The following SDK1 variants were observed in gnomAD, a reference collection of about 807,000 sequenced individuals.
SDK1 encodes the protein protein sidekick-1.
Under a neutral mutation model 245.5 loss-of-function variants are expected in SDK1, and 157 were observed. The ratio of observed to expected loss-of-function variants is 0.64; its 90% CI spans 0.56 to 0.73. The LOEUF (loss-of-function observed/expected upper bound fraction) is 0.73, where lower values mean the gene tolerates loss of function less well. Among genes scored for constraint, SDK1 ranks in the 30% least tolerant of loss-of-function variants. The pLI is 0.00. For synonymous variants in SDK1, 1,647 were observed against 1,278.5 expected, an observed-to-expected ratio of 1.29 and a Z score of -6.15; for missense variants, 3,583 against 3,002.3, an observed-to-expected ratio of 1.19 and a Z score of -4.52.
At position 3,966,140 on chromosome 7, in the gene SDK1, T is replaced by C. The variant is rs1041357663; in HGVS notation, c.1430-1178T>C. 4.2e-4 allele frequency among the ~76,000 whole-genome samples: 64 copies of C among 151,850 alleles called. 1 individual carries two copies. Among genetic ancestry groups the C allele is most frequent in the African/African-American group, 1.5e-3 (62 of 41,344 alleles). On this transcript the variant is annotated intron_variant, in intron 9 of 44. Transcript: ENST00000404826. ...ACAGGCACAGAAGTGTTGAGACCTG[T>C]TAGGGGGCCTGCGGCATCTGGCAAG...
At chr7:3,825,318 TAAAAAA>T (rs763807672) in intron 5 of SDK1, among the ~76,000 whole-genome samples, 2 of 71,400 alleles carry the variant, frequency 2.8e-5, no homozygotes, top group East Asian at 4.7e-4. Flanking sequence ...TTTCTTCCTC[TAAAAAA>T]AAAAAAAAAA....
At chr7:3,774,336 C>G (rs947362501) in intron 4 of SDK1, among the ~76,000 whole-genome samples, 19 of 152,076 alleles carry the variant, frequency 1.2e-4, no homozygotes, top group African/African-American at 4.6e-4. Flanking sequence ...GCCTCTTTGT[C>G]TGCACCTCTG....
chr7:3,354,689 A>G (rs1465874448), intron 1 of SDK1, among the ~76,000 whole-genome samples: 3 of 152,212 alleles, frequency 2.0e-5, no homozygotes. Context: ...TTGACTTTAT[A>G]GGTCTTGGGT....
Position 3,536,106 on chromosome 7 carries a change from G to A in SDK1, c.299-82974G>A, listed in dbSNP as rs556389286. Among the ~76,000 whole-genome samples, 47 of 151,792 alleles carry A rather than the reference G, an allele frequency of 3.1e-4. No individual in the cohort carries two copies. The Middle Eastern group carries it at 0.014, about 44-fold the overall frequency. On this transcript the variant is annotated intron_variant, in intron 1 of 44. Coordinates refer to ENST00000404826, the MANE Select transcript of SDK1 (RefSeq NM_152744.4). ...GAGTCTCACTCTGTCGCCCAGGCTG[G>A]AGTGCAGTGGTGCGATCTCGGCTCA...
intron 1 of SDK1, among the ~76,000 whole-genome samples, chr7:3,341,923 A>T (rs772988942): frequency 1.1e-4 from 17 of 152,240 alleles, no homozygotes; most frequent in Non-Finnish European, 2.5e-4. Context: ...ATACATAAAA[A>T]GGTTATTGAA....
chr7:3,847,009 C>G (rs958112635), intron 5 of SDK1, among the ~76,000 whole-genome samples: 1 of 152,254 alleles, frequency 6.6e-6, no homozygotes, highest in East Asian at 1.9e-4. Context: ...CCCCAGTGTT[C>G]TCAGGTTTTC....
At chr7:3,801,756 G>A (rs758542172) in intron 4 of SDK1, among the ~76,000 whole-genome samples, 6 of 152,128 alleles carry the variant, frequency 3.9e-5, no homozygotes, top group South Asian at 2.1e-4. Context: ...CTTGGAACAC[G>A]CCCAGCCTGT....
chr7:4,161,821 C>A lies in SDK1; in HGVS notation c.4765C>A (p.Pro1589Thr). 6.2e-7 allele frequency: 1 copy of A among 1,614,182 alleles called. No individual in the cohort carries two copies. Among genetic ancestry groups the A allele is most frequent in the Non-Finnish European group, 8.5e-7 (1 of 1,180,006 alleles). The change falls in exon 32 of 45, where the codon CCA becomes ACA. Residue 1589 changes from proline to threonine, a missense_variant. Pro to Thr is a conservative substitution (Grantham distance 38). Transcript: ENST00000404826. ...GCCCCCGGGATCTGTCTCAGCGACG[C>A]CACACACCACGTCCTCTGTCCTGAT... Reference protein sequence around the residue: ...GEPPGSVSATPHTTSSVLIQW... With the variant: ...GEPPGSVSATTHTTSSVLIQW...
At chr7:4,111,952 T>G (rs10265630) in intron 23 of SDK1, among the ~76,000 whole-genome samples, 32,076 of 152,110 alleles carry the variant, frequency 0.21, 3,522 homozygotes, top group Middle Eastern at 0.31. Flanking sequence ...TCATCTGATT[T>G]GCTGTAAGTC....
intron 22 of SDK1, among the ~76,000 whole-genome samples, chr7:4,107,480 C>T (rs1783013243): frequency 7.9e-6 from 1 of 127,338 alleles, no homozygotes; most frequent in African/African-American, 3.5e-5. Context: ...CTTTTTCTTC[C>T]TTTCTTCTTC....
chr7:3,716,394 A>T (rs1785202232), intron 4 of SDK1, among the ~76,000 whole-genome samples: 1 of 152,208 alleles, frequency 6.6e-6, no homozygotes, highest in South Asian at 2.1e-4. Flanking sequence ...GCTAAGGAAA[A>T]ATTAGAACTC....
At chr7:3,378,295 G>C (rs1404975368) in intron 1 of SDK1, among the ~76,000 whole-genome samples, 2 of 152,136 alleles carry the variant, frequency 1.3e-5, no homozygotes, top group Admixed American at 1.3e-4. Context: ...TGATGGCACT[G>C]GTTTTTTGTC....
Position 4,194,262 on chromosome 7 carries a change from A to C in SDK1, c.5099-11617A>C, listed in dbSNP as rs182254762. On this transcript the variant is annotated intron_variant, in intron 35 of 44. Coordinates refer to ENST00000404826, the MANE Select transcript of SDK1 (RefSeq NM_152744.4). The stretch of plus-strand genomic sequence containing the variant: ...CATGTATAGATATATGTATGCACGT[A>C]TGTGTATACATGTATAGATATATGT... Among the ~76,000 whole-genome samples, 566 of 149,948 alleles carry C rather than the reference A, an allele frequency of 3.8e-3. 4 individuals are homozygous for C. Among genetic ancestry groups the C allele is most frequent in the Middle Eastern group, 0.014 (4 of 288 alleles).
At chr7:3,947,117 T>C (rs970478094) in intron 5 of SDK1, among the ~76,000 whole-genome samples, 1 of 152,204 alleles carries the variant, frequency 6.6e-6, no homozygotes, top group African/African-American at 2.4e-5. Flanking sequence ...GGCCTTTTGT[T>C]ATTTACCATT....
chr7:4,066,323 G>A (rs1779896653), intron 19 of SDK1, among the ~76,000 whole-genome samples: 1 of 152,188 alleles, frequency 6.6e-6, no homozygotes, highest in Non-Finnish European at 1.5e-5. Context: ...GGGCAGCTGT[G>A]TTTGTGTTTG....
intron 1 of SDK1, among the ~76,000 whole-genome samples, chr7:3,508,187 T>TG (rs1354727282): frequency 1.5e-5 from 2 of 135,664 alleles, no homozygotes; most frequent in African/African-American, 5.7e-5. Flanking sequence ...GTTTTCTGAA[T>TG]ATTTTTTTTT....
chr7:4,147,454 A>T (rs79700600), intron 29 of SDK1, among the ~76,000 whole-genome samples: 12,969 of 151,896 alleles, frequency 0.085, 1,341 homozygotes, highest in African/African-American at 0.24. Context: ...TTTTGTAGAG[A>T]TGGGGGTCTT....
chr7:3,957,748 T>C (rs1164266142), intron 7 of SDK1, among the ~76,000 whole-genome samples: 1 of 152,160 alleles, frequency 6.6e-6, no homozygotes, highest in East Asian at 1.9e-4. Flanking sequence ...GATGTATGAG[T>C]TGTGCAATGA....
intron 5 of SDK1, among the ~76,000 whole-genome samples, chr7:3,852,583 TA>T (rs1415552764): frequency 4.0e-5 from 6 of 150,730 alleles, no homozygotes; most frequent in African/African-American, 1.5e-4. Context: ...CCGTCTCTAC[TA>T]AAAAATACAA....
Sources: allele counts gnomAD v4.1 joint callset (sites outside exome capture counted in the v4.1 genomes callset), GRCh38; gene constraint gnomAD v4.1.1; transcripts MANE v1.5; gene names NCBI Gene and HGNC (gene_info 2026-07-23, HGNC 2026-07-21).